TEX15: variants seen among roughly 807,000 people sequenced by gnomAD.
TEX15 encodes testis-expressed protein 15.
TEX15 carries 171 observed loss-of-function variants against 237.3 expected under a neutral mutation model. The ratio of observed to expected loss-of-function variants is 0.72; its 90% CI spans 0.64 to 0.82. The LOEUF (loss-of-function observed/expected upper bound fraction) is 0.82, where lower values mean the gene tolerates loss of function less well. TEX15 is among the 40% of genes least tolerant of loss of function. The probability of loss-of-function intolerance (pLI) is 0.00; values close to 1 mark genes in which losing one functional copy is unlikely to be tolerated. For missense variants in TEX15, 3,750 were observed against 3,646.5 expected, an observed-to-expected ratio of 1.03 and a Z score of -0.73; for synonymous variants, 1,338 against 1,269.8, an observed-to-expected ratio of 1.05 and a Z score of -1.14.
At chr8:30,876,312 T>C (rs890741140) in intron 3 of TEX15, among the ~76,000 whole-genome samples, 1 of 152,226 alleles carries the variant, frequency 6.6e-6, no homozygotes, top group African/African-American at 2.4e-5. Flanking sequence ...AGTTCAATAT[T>C]TTTCATATTG....
intron 1 of TEX15, among the ~76,000 whole-genome samples, chr8:30,906,012 C>T (rs563713852): frequency 1.6e-4 from 25 of 151,642 alleles, no homozygotes; most frequent in Non-Finnish European, 1.0e-4. Flanking sequence ...TTTCTTCATA[C>T]GTAAAATGGG....
intron 2 of TEX15, 36 bp downstream of exon 2, chr8:30,898,706 T>C (rs1441673394): frequency 2.0e-5 from 3 of 152,172 alleles, no homozygotes; most frequent in African/African-American, 7.2e-5. Flanking sequence ...AAGGTATAAA[T>C]AAAGCAGTAA....
rs755980554 is a variant in TEX15, at chr8:30,837,769, C to T, written c.8515G>A (p.Ala2839Thr). ...ETKSDKKDCA[A>T]FAICDQKSVH... ...CTTTTTTGGTCACAAATTGCAAAAGCAGCACAATCTTTCTTATCACTTTTT... is the reference window on the plus strand; with the variant it reads ...CTTTTTTGGTCACAAATTGCAAAAGTAGCACAATCTTTCTTATCACTTTTT... The change falls in exon 10 of 11, where the codon GCT (alanine) becomes ACT (threonine). Residue 2839 changes from alanine (A) to threonine (T), a missense_variant. Ala to Thr is a moderately conservative substitution (Grantham distance 58). Coordinates refer to ENST00000643185, the MANE Select transcript of TEX15 (RefSeq NM_001350162.2). The T allele has an allele frequency of 6.2e-7, 1 of 1,614,154 alleles. No individual in the cohort carries two copies. Among genetic ancestry groups the T allele is most frequent in the African/African-American group, 1.3e-5 (1 of 75,044 alleles).
chr8:30,844,136 A>C lies in TEX15; in HGVS notation c.6031T>G (p.Ser2011Ala). 1.9e-6 allele frequency: 3 copies of C among 1,613,372 alleles called. No homozygotes were observed. Among genetic ancestry groups the C allele is most frequent in the African/African-American group, 1.3e-5 (1 of 75,018 alleles). The change falls in exon 8 of 11, where the codon TCA becomes GCA. Residue 2011 changes from serine (S) to alanine (A), a missense_variant. By Grantham distance (99) the Ser-to-Ala change is moderately conservative (BLOSUM62 1). Coordinates refer to ENST00000643185, the MANE Select transcript of TEX15 (RefSeq NM_001350162.2). Reference sequence around the variant, plus strand: ...TCTTCCTGTAGAATCTGCAAAGATGATGCTTCATCTGCCCTCTGCAAAATT... The same window carrying C: ...TCTTCCTGTAGAATCTGCAAAGATGCTGCTTCATCTGCCCTCTGCAAAATT... The part of the protein sequence containing the change: ...SQILQRADEA[S>A]SLQILQEETK...
intron 3 of TEX15, among the ~76,000 whole-genome samples, chr8:30,881,810 CAG>C (rs1036230020): frequency 2.0e-5 from 3 of 151,730 alleles, no homozygotes; most frequent in Admixed American, 6.6e-5. Flanking sequence ...TCAGTAGAGA[CAG>C]GGGTTTCACT....
chr8:30,908,034 C>A (rs1809144986), intron 1 of TEX15, among the ~76,000 whole-genome samples: 1 of 152,000 alleles, frequency 6.6e-6, no homozygotes, highest in African/African-American at 2.4e-5. Flanking sequence ...ACCTCAGCAA[C>A]CTACCCCCTC....
Position 30,848,661 on chromosome 8 carries a change from AG to A in TEX15, c.1505del (p.Ser502LeufsTer46). The A allele has an allele frequency of 6.2e-7, 1 of 1,614,232 alleles. No individual in the cohort carries two copies. Among genetic ancestry groups the A allele is most frequent in the Non-Finnish European group, 8.5e-7 (1 of 1,180,030 alleles). On this transcript the variant is annotated frameshift_variant, in exon 8 of 11. Coordinates refer to ENST00000643185, the MANE Select transcript of TEX15 (RefSeq NM_001350162.2). LOFTEE classifies it high-confidence loss of function. ...GAGCCCAAGATTGTGAATCATTAAC[AG>A]AAGTTTTAAAGCAAGGGGTATCCAA... ...NGLDTPCFKT[S>X]VNDSQSWAHN... is the part of the protein sequence containing the mutation.
chr8:30,889,927 TTATATACA>T (rs1554502263), intron 2 of TEX15, among the ~76,000 whole-genome samples: 1 of 109,922 alleles, frequency 9.1e-6, no homozygotes, highest in African/African-American at 5.3e-5. Context: ...TATGTATTAG[TTATATACA>T]TATATATATA....
At chr8:30,881,686 A>G (rs1808530396) in intron 3 of TEX15, among the ~76,000 whole-genome samples, 1 of 138,216 alleles carries the variant, frequency 7.2e-6, no homozygotes. Context: ...CAATGGCGCG[A>G]TCTTGGCTCA....
chr8:30,851,259 G>A (rs1807777548), intron 7 of TEX15, among the ~76,000 whole-genome samples: 1 of 152,192 alleles, frequency 6.6e-6, no homozygotes, highest in Non-Finnish European at 1.5e-5. Flanking sequence ...TATCAAAAAT[G>A]ATAAAATTAC....
At chr8:30,881,626 A>ATTTTTTTTTTTTTTTT (rs755911484) in intron 3 of TEX15, among the ~76,000 whole-genome samples, 1 of 76,256 alleles carries the variant, frequency 1.3e-5, no homozygotes. Context: ...ATTTTTTTTT[A>ATTTTTTTTTTTTTTTT]TTATTTTTTT....
chr8:30,897,327 T>TC (rs1808925504), intron 2 of TEX15, among the ~76,000 whole-genome samples: 1 of 152,210 alleles, frequency 6.6e-6, no homozygotes, highest in African/African-American at 2.4e-5. Flanking sequence ...TCTCTGTGGC[T>TC]CCACATATAG....
Position 30,847,587 on chromosome 8 carries a change from A to C in TEX15, c.2580T>G (p.Asp860Glu), listed in dbSNP as rs201126090. 11 of 1,610,008 alleles carry C rather than the reference A, an allele frequency of 6.8e-6. No homozygotes were observed. The Admixed American group carries it at 1.7e-4, about 24-fold the overall frequency. ...CTTTAGCCTCATTTTGGTTTTCTCT[A>C]TCTGTTTGTTTTTTGAAATTAACAT... is the stretch of plus-strand genomic sequence containing the variant. ...WLNVNFKKQT[D>E]RENQNEAKEN... Residue 860 changes from aspartate to glutamate, a missense_variant, in exon 8 of 11, where the codon GAT (aspartate) becomes GAG (glutamate). Transcript: ENST00000643185.
At chr8:30,858,373 G>A (rs1490664882) in intron 7 of TEX15, among the ~76,000 whole-genome samples, 1 of 151,062 alleles carries the variant, frequency 6.6e-6, no homozygotes, top group African/African-American at 2.4e-5. Flanking sequence ...GCGCAGTGGT[G>A]TGATCCTGAC....
chr8:30,883,002 C>T (rs1808562151), intron 3 of TEX15, among the ~76,000 whole-genome samples: 1 of 152,090 alleles, frequency 6.6e-6, no homozygotes, highest in Non-Finnish European at 1.5e-5. Flanking sequence ...AACTCCTGGG[C>T]TCAAACAAAT....
At position 30,842,123 on chromosome 8, in the gene TEX15, C is replaced by G. The variant is rs370917073; in HGVS notation, c.8044G>C (p.Glu2682Gln). Residue 2682 changes from glutamate to glutamine, a missense_variant, in exon 8 of 11, where the codon GAG becomes CAG. Coordinates refer to ENST00000643185, the MANE Select transcript of TEX15 (RefSeq NM_001350162.2). ...SISTMLPPVS[E>Q]CINKNISNSS... ...TTTGAGATGTTTTTGTTTATGCACT[C>G]TGATACTGGGGGCAACATCGTAGAA... 2.6e-5 allele frequency: 42 copies of G among 1,613,474 alleles called. No individual in the cohort carries two copies. Among genetic ancestry groups the G allele is most frequent in the Non-Finnish European group, 3.3e-5 (39 of 1,179,754 alleles).
At chr8:30,857,584 CA>C (rs755813706) in intron 7 of TEX15, among the ~76,000 whole-genome samples, 15 of 151,930 alleles carry the variant, frequency 9.9e-5, no homozygotes, top group Admixed American at 3.3e-4. Context: ...AAAATTAGCT[CA>C]ATTAGAAAAA....
At chr8:30,906,989 T>A (rs969985367) in intron 1 of TEX15, among the ~76,000 whole-genome samples, 1 of 152,172 alleles carries the variant, frequency 6.6e-6, no homozygotes. Flanking sequence ...CTTGGCCAAA[T>A]GTGACTTTAT....
At chr8:30,886,842 A>G (rs1409785861) in intron 3 of TEX15, 1 of 178,662 alleles carries the variant, frequency 5.6e-6, no homozygotes, top group Admixed American at 6.2e-5. Context: ...TGGAGGAAAC[A>G]AAAAGAAAAT....
Sources: allele counts gnomAD v4.1 joint callset (sites outside exome capture counted in the v4.1 genomes callset), GRCh38; gene constraint gnomAD v4.1.1; transcripts MANE v1.5; gene names NCBI Gene and HGNC (gene_info 2026-07-23, HGNC 2026-07-21).